DHRSX: variants seen among roughly 807,000 people sequenced by gnomAD.
The protein encoded by DHRSX is dehydrogenase/reductase X-linked, also known as polyprenol dehydrogenase.
DHRSX carries 31 observed loss-of-function variants against 34.0 expected under a neutral mutation model. The observed-to-expected ratio is 0.91, with a 90% CI of 0.69 to 1.23. DHRSX has a LOEUF of 1.23. DHRSX is among the 50% of genes most tolerant of loss of function. The probability of loss-of-function intolerance (pLI) is 0.00; values close to 1 mark genes in which losing one functional copy is unlikely to be tolerated. For synonymous variants in DHRSX, 201 were observed against 183.8 expected, an observed-to-expected ratio of 1.09 and a Z score of -0.76; for missense variants, 414 against 428.1, an observed-to-expected ratio of 0.97 and a Z score of 0.29.
Position 2,465,201 on chromosome X carries a change from T to A in DHRSX, c.109+35616A>T, listed in dbSNP as rs747336512. 1.4e-3 allele frequency among the ~76,000 whole-genome samples: 220 copies of A among 152,222 alleles called. 1 individual carries two copies. The highest frequency in any genetic ancestry group is 2.5e-3 in the Non-Finnish European group (173 of 68,014). On this transcript the variant is annotated intron_variant, in intron 1 of 6. Coordinates refer to ENST00000334651, the MANE Select transcript of DHRSX (RefSeq NM_145177.3). ...TTCCCTAATACAAAAGCTAAGACAT[T>A]GTGGGTGTACCACACACTTCCTACA...
At chrX:2,455,112 C>CAAA (rs35335750) in intron 1 of DHRSX, among the ~76,000 whole-genome samples, 10 of 139,348 alleles carry the variant, frequency 7.2e-5, no homozygotes, top group African/African-American at 2.3e-4. Flanking sequence ...AACCCCATCT[C>CAAA]AAAAAAAAAA....
chrX:2,270,520 G>A (rs1253135727), intron 4 of DHRSX, among the ~76,000 whole-genome samples: 5 of 152,294 alleles, frequency 3.3e-5, no homozygotes, highest in South Asian at 4.1e-4. Context: ...CGCACTGGAT[G>A]CCCCATTGCG....
intron 4 of DHRSX, among the ~76,000 whole-genome samples, chrX:2,282,601 AGAGAGAAGAAAGAGGGGAGG>A (rs1472290450): frequency 1.1e-5 from 1 of 93,946 alleles, no homozygotes; most frequent in African/African-American, 3.9e-5. Context: ...GAAAGAGGGG[AGAGAGAAGAAAGAGGGGAGG>A]GAGAGAAGAA....
At chrX:2,388,786 G>A (rs2043301430) in intron 3 of DHRSX, among the ~76,000 whole-genome samples, 1 of 151,760 alleles carries the variant, frequency 6.6e-6, no homozygotes, top group African/African-American at 2.4e-5. Flanking sequence ...CCTGATCTCA[G>A]ACATCCAGCC....
intron 3 of DHRSX, among the ~76,000 whole-genome samples, chrX:2,397,928 G>GCCCA (rs1171939171): frequency 1.6e-5 from 1 of 62,980 alleles, no homozygotes; most frequent in Non-Finnish European, 2.6e-5. Context: ...TCCTCAGAGC[G>GCCCA]CGCACACACA....
At chrX:2,477,831 T>G in intron 1 of DHRSX, among the ~76,000 whole-genome samples, 1 of 148,010 alleles carries the variant, frequency 6.8e-6, no homozygotes, top group South Asian at 2.1e-4. Context: ...GGTGACAGGG[T>G]GACAGAGCAA....
At chrX:2,239,589 T>C (rs1303448653) in intron 6 of DHRSX, among the ~76,000 whole-genome samples, 1 of 150,914 alleles carries the variant, frequency 6.6e-6, no homozygotes, top group Non-Finnish European at 1.5e-5. Context: ...ACCCCGTCTC[T>C]ACTAAAAAAA....
At chrX:2,397,771 G>A (rs1283700072) in intron 3 of DHRSX, among the ~76,000 whole-genome samples, 1 of 152,092 alleles carries the variant, frequency 6.6e-6, no homozygotes. Flanking sequence ...CGTTACGGGC[G>A]GGATGGAAAA....
At chrX:2,265,600 A>C (rs1249266718) in intron 5 of DHRSX, among the ~76,000 whole-genome samples, 28 of 91,146 alleles carry the variant, frequency 3.1e-4, no homozygotes, top group African/African-American at 7.0e-4. Flanking sequence ...GCACCAGTGT[A>C]CAGCAGACGC....
intron 1 of DHRSX, among the ~76,000 whole-genome samples, chrX:2,499,362 GCT>G (rs1240519866): frequency 2.6e-5 from 4 of 151,170 alleles, no homozygotes; most frequent in Non-Finnish European, 4.4e-5. Flanking sequence ...CCCTCTGAAC[GCT>G]CTGTTTTGGA....
intron 3 of DHRSX, among the ~76,000 whole-genome samples, chrX:2,372,603 T>C (rs73191313): frequency 4.9e-4 from 59 of 119,218 alleles, no homozygotes; most frequent in Non-Finnish European, 8.4e-4. Context: ...TCTTTTCTTT[T>C]CCTTCTTTGT....
At chrX:2,412,044 G>T (rs1396131202) in intron 2 of DHRSX, among the ~76,000 whole-genome samples, 1 of 152,220 alleles carries the variant, frequency 6.6e-6, no homozygotes, top group Non-Finnish European at 1.5e-5. Context: ...AGACCTGGAG[G>T]GAGCTGCTTT....
At chrX:2,366,033 G>A (rs1365812349) in intron 3 of DHRSX, among the ~76,000 whole-genome samples, 4 of 152,100 alleles carry the variant, frequency 2.6e-5, no homozygotes, top group Non-Finnish European at 4.4e-5. Context: ...TTTCCCGAAT[G>A]GGAATCTCTT....
At chrX:2,456,123 C>T (rs1189701533) in intron 1 of DHRSX, among the ~76,000 whole-genome samples, 3 of 152,116 alleles carry the variant, frequency 2.0e-5, no homozygotes, top group Admixed American at 6.6e-5. Context: ...GAACAGGGCA[C>T]AGTCAACTCA....
chrX:2,232,304 T>A (rs1240652326), intron 6 of DHRSX, among the ~76,000 whole-genome samples: 2 of 149,138 alleles, frequency 1.3e-5, no homozygotes, highest in East Asian at 2.0e-4. Flanking sequence ...GGGGGATTCC[T>A]GAATGAACTT....
chrX:2,250,993 T>C (rs1204731249), intron 5 of DHRSX, among the ~76,000 whole-genome samples: 2 of 152,122 alleles, frequency 1.3e-5, no homozygotes, highest in African/African-American at 2.4e-5. Context: ...GCAGCTGACA[T>C]GTTCTGAGAT....
At chrX:2,420,758 A>AG (rs1366898654) in intron 2 of DHRSX, among the ~76,000 whole-genome samples, 4 of 151,922 alleles carry the variant, frequency 2.6e-5, no homozygotes, top group Non-Finnish European at 5.9e-5. Flanking sequence ...AAAAAAAAAA[A>AG]GAATGGATAA....
intron 1 of DHRSX, among the ~76,000 whole-genome samples, chrX:2,454,172 T>C (rs934395498): frequency 2.0e-5 from 3 of 152,134 alleles, no homozygotes; most frequent in East Asian, 1.9e-4. Flanking sequence ...ACAGTTTATA[T>C]GACCATGACA....
At chrX:2,451,593 G>C (rs957808118) in intron 1 of DHRSX, among the ~76,000 whole-genome samples, 1 of 152,130 alleles carries the variant, frequency 6.6e-6, no homozygotes, top group Non-Finnish European at 1.5e-5. Context: ...CGGTCAGGAC[G>C]GTGGCTGGAG....
Sources: gnomAD v4.1 joint callset for allele counts (sites outside exome capture counted in the v4.1 genomes callset) on GRCh38, gnomAD v4.1.1 for gene constraint, MANE v1.5 for transcripts, NCBI Gene and HGNC (gene_info 2026-07-23, HGNC 2026-07-21) for gene names.